Variants in ATP2B2 observed in about 807,000 individuals in gnomAD.
ATP2B2 encodes plasma membrane calcium-transporting ATPase 2.
A neutral mutation model predicts 120.0 loss-of-function variants in ATP2B2; 15 were observed. That is an observed-to-expected ratio of 0.12 (90% CI 0.08 to 0.19). The LOEUF is 0.19. Among genes scored for constraint, ATP2B2 ranks in the 10% least tolerant of loss-of-function variants. The probability of loss-of-function intolerance (pLI) is 1.00; values close to 1 mark genes in which losing one functional copy is unlikely to be tolerated. For synonymous variants in ATP2B2, 694 were observed against 700.3 expected (o/e 0.99, Z 0.14); for missense variants, 1,045 against 1,719.8 (o/e 0.61, Z 6.94).
At chr3:10,467,421 G>T (rs2064794506) in intron 1 of ATP2B2, among the ~76,000 whole-genome samples, 2 of 152,110 alleles carry the variant, frequency 1.3e-5, no homozygotes, top group African/African-American at 4.8e-5. Context: ...CCACTCTCCG[G>T]GCAGTCAGCT....
chr3:10,602,334 G>C (rs781721936), intron 2 of ATP2B2, among the ~76,000 whole-genome samples: 1 of 152,172 alleles, frequency 6.6e-6, no homozygotes, highest in Non-Finnish European at 1.5e-5. Flanking sequence ...CTAAGATGAC[G>C]GCTGGCCCTC....
intron 2 of ATP2B2, among the ~76,000 whole-genome samples, chr3:10,539,251 T>C (rs1357676837): frequency 6.6e-6 from 1 of 152,228 alleles, no homozygotes; most frequent in Non-Finnish European, 1.5e-5. Flanking sequence ...GAACATTCCA[T>C]GCTCATGGAT....
intron 2 of ATP2B2, among the ~76,000 whole-genome samples, chr3:10,568,557 G>A (rs2068058587): frequency 6.6e-6 from 1 of 152,184 alleles, no homozygotes; most frequent in Non-Finnish European, 1.5e-5. Context: ...CTTCAGTTCT[G>A]GCTGTTGAAC....
intron 1 of ATP2B2, among the ~76,000 whole-genome samples, chr3:10,696,718 G>A (rs2071747221): frequency 6.6e-6 from 1 of 152,158 alleles, no homozygotes. Flanking sequence ...CAGAGTTTGG[G>A]CAAGAGAGAA....
intron 1 of ATP2B2, among the ~76,000 whole-genome samples, chr3:10,666,799 G>A (rs905092624): frequency 2.6e-5 from 4 of 152,164 alleles, no homozygotes; most frequent in Non-Finnish European, 5.9e-5. Flanking sequence ...ACGAAGCCCC[G>A]CCCTGAGACC....
In ATP2B2 at chr3:10,455,832, C is replaced by T. The variant is rs536046578; in HGVS notation, c.-319-5970G>A. ...CCAGTGGTGTGACCCTGAGCAAGCC[C>T]CTTTCTTCTCTGGGCCTCAGTTTCC... On this transcript the variant is annotated intron_variant, in intron 1 of 22. Transcript: ENST00000360273. 3.9e-5 allele frequency among the ~76,000 whole-genome samples: 6 copies of T among 152,326 alleles called. No individual in the cohort carries two copies. In the East Asian group the frequency reaches 1.2e-3, roughly 29 times the overall value.
chr3:10,345,983 A>T (rs765281034), intron 17 of ATP2B2, 48 bp downstream of exon 17: 1 of 1,553,438 alleles, frequency 6.4e-7, no homozygotes, highest in Non-Finnish European at 8.7e-7. Context: ...TGTGTAGTCC[A>T]ATCTCCCCAG....
At position 10,520,308 on chromosome 3, in the gene ATP2B2, G is replaced by T. The variant is rs6793919; in HGVS notation, c.-320+13731C>A. On this transcript the variant is annotated intron_variant, in intron 3 of 21. Transcript: ENST00000646379. ...GGAGCCAGTGCTGGAGCAAGCAGCA[G>T]GGGAGGGGGGTGCCGGTTTTAAGAT... is the stretch of plus-strand genomic sequence containing the variant. Among the ~76,000 whole-genome samples the T allele has an allele frequency of 5.3e-5, 8 of 152,090 alleles. No homozygotes were observed. In the East Asian group the frequency reaches 1.2e-3, roughly 22 times the overall value.
intron 2 of ATP2B2, among the ~76,000 whole-genome samples, chr3:10,572,107 A>G (rs2068141623): frequency 6.6e-6 from 1 of 152,188 alleles, no homozygotes; most frequent in Non-Finnish European, 1.5e-5. Flanking sequence ...CGCCATAAGA[A>G]GAGCATCCCT....
intron 2 of ATP2B2, among the ~76,000 whole-genome samples, chr3:10,421,855 TTTAG>T (rs1427914386): frequency 1.3e-5 from 2 of 152,226 alleles, no homozygotes; most frequent in Middle Eastern, 3.2e-3. Context: ...TGTCGACTTA[TTTAG>T]TTAGTCTTGA....
intron 1 of ATP2B2, among the ~76,000 whole-genome samples, chr3:10,671,484 C>A (rs539271305): frequency 6.6e-6 from 1 of 152,338 alleles, no homozygotes; most frequent in South Asian, 2.1e-4. Context: ...CGAAATCCCA[C>A]ATCCCAGGAA....
chr3:10,403,007 C>T (rs955570041), intron 3 of ATP2B2, among the ~76,000 whole-genome samples: 5 of 152,090 alleles, frequency 3.3e-5, no homozygotes, highest in African/African-American at 1.2e-4. Flanking sequence ...TGCCGCTGTC[C>T]TCTTCTTCTG....
Position 10,338,356 on chromosome 3 carries a change from G to C in ATP2B2, c.3240C>G (p.Val1080=). 5 of 1,614,100 alleles carry C rather than the reference G, an allele frequency of 3.1e-6. No individual in the cohort carries two copies. Among genetic ancestry groups the C allele is most frequent in the Non-Finnish European group, 4.2e-6 (5 of 1,180,018 alleles). The stretch of plus-strand genomic sequence containing the variant: ...GTCTGCTGGTCGGGATGGTGGCGAT[G>C]ACCTGCAAGGGACCCTGTCTGTCAG... The part of the protein sequence containing the change: ...IGLGELVWGQ[V]IATIPTSRLK... Residue 1080 remains valine, a splice_region_variant and synonymous_variant, in exon 22 of 23, where the codon GTC becomes GTG. Coordinates refer to ENST00000360273, the MANE Select transcript of ATP2B2 (RefSeq NM_001001331.4).
chr3:10,665,786 C>T (rs964919248), intron 1 of ATP2B2, among the ~76,000 whole-genome samples: 6 of 152,078 alleles, frequency 3.9e-5, no homozygotes, highest in African/African-American at 1.4e-4. Context: ...GGGAGTCTTG[C>T]CCGCCTCCAG....
At chr3:10,421,155 G>A (rs1390559018) in intron 2 of ATP2B2, among the ~76,000 whole-genome samples, 1 of 152,194 alleles carries the variant, frequency 6.6e-6, no homozygotes, top group Non-Finnish European at 1.5e-5. Flanking sequence ...CCAGCCTGAG[G>A]GAGGAGGGTG....
At chr3:10,681,781 A>G (rs1348679599) in intron 1 of ATP2B2, among the ~76,000 whole-genome samples, 1 of 152,226 alleles carries the variant, frequency 6.6e-6, no homozygotes, top group Non-Finnish European at 1.5e-5. Context: ...ACTTGCTCTA[A>G]GTCGTGCAGC....
At chr3:10,401,161 G>A (rs969372990) in intron 4 of ATP2B2, 83 bp from the exon 5 acceptor site, 12 of 1,559,856 alleles carry the variant, frequency 7.7e-6, no homozygotes, top group Admixed American at 3.5e-5. Flanking sequence ...GCGATTACCA[G>A]GGAAGGTTTG....
intron 2 of ATP2B2, among the ~76,000 whole-genome samples, chr3:10,426,160 T>C (rs1447229649): frequency 1.3e-5 from 2 of 152,132 alleles, no homozygotes; most frequent in Non-Finnish European, 2.9e-5. Context: ...TCAGCACTTC[T>C]TTTGGCTGAA....
intron 12 of ATP2B2, among the ~76,000 whole-genome samples, chr3:10,368,271 G>GACCA (rs1340201618): frequency 2.6e-5 from 4 of 152,032 alleles, no homozygotes; most frequent in African/African-American, 9.7e-5. Flanking sequence ...TTGTGGAAGA[G>GACCA]ACCAGCTCAA....
Sources: gnomAD v4.1 joint callset for allele counts (sites outside exome capture counted in the v4.1 genomes callset) on GRCh38, gnomAD v4.1.1 for gene constraint, MANE v1.5 for transcripts, NCBI Gene and HGNC (gene_info 2026-07-23, HGNC 2026-07-21) for gene names.